The following MVB12B variants were observed in gnomAD, a reference collection of about 807,000 sequenced individuals.
MVB12B encodes ESCRT-I complex subunit MVB12B.
In MVB12B, 16 loss-of-function variants were observed where a neutral mutation model predicts 41.6. The observed-to-expected ratio is 0.38, with a 90% CI of 0.26 to 0.58. The LOEUF is 0.58. MVB12B is among the 20% of genes least tolerant of loss of function. The pLI, the probability that MVB12B is intolerant of heterozygous loss-of-function variation, is 0.62. For missense variants in MVB12B, 274 were observed against 380.2 expected, an observed-to-expected ratio of 0.72 and a Z score of 2.32; for synonymous variants, 133 against 139.7, an observed-to-expected ratio of 0.95 and a Z score of 0.34.
chr9:126,363,495 A>G (rs978863712), intron 2 of MVB12B, among the ~76,000 whole-genome samples: 1 of 152,158 alleles, frequency 6.6e-6, no homozygotes, highest in Non-Finnish European at 1.5e-5. Context: ...ATTGTCTTCT[A>G]ATGCATTTCC....
At chr9:126,345,350 A>G (rs1332205989) in intron 2 of MVB12B, among the ~76,000 whole-genome samples, 1 of 152,228 alleles carries the variant, frequency 6.6e-6, no homozygotes, top group African/African-American at 2.4e-5. Flanking sequence ...TTCTGGAGAA[A>G]TCCCACCCAA....
intron 2 of MVB12B, among the ~76,000 whole-genome samples, chr9:126,349,224 T>C (rs1189153537): frequency 6.6e-6 from 1 of 152,156 alleles, no homozygotes; most frequent in Non-Finnish European, 1.5e-5. Context: ...GTCAGGTACC[T>C]GGCCCTGGGG....
chr9:126,452,164 C>T (rs982464458), intron 7 of MVB12B, among the ~76,000 whole-genome samples: 3 of 152,218 alleles, frequency 2.0e-5, no homozygotes, highest in Admixed American at 6.5e-5. Context: ...TCAGCTCATG[C>T]GTGTGCTCAC....
intron 1 of MVB12B, among the ~76,000 whole-genome samples, chr9:126,338,780 C>G (rs1183994550): frequency 1.3e-5 from 2 of 152,138 alleles, no homozygotes; most frequent in African/African-American, 4.8e-5. Flanking sequence ...GTGCTGAGCC[C>G]TTTTGATCAA....
intron 6 of MVB12B, among the ~76,000 whole-genome samples, chr9:126,401,127 TC>T (rs1473828655): frequency 6.6e-6 from 1 of 152,114 alleles, no homozygotes; most frequent in Admixed American, 6.5e-5. Context: ...CATGGGCACA[TC>T]CTGTGACCTT....
At chr9:126,458,856 T>G (rs1833036703) in intron 7 of MVB12B, among the ~76,000 whole-genome samples, 1 of 152,178 alleles carries the variant, frequency 6.6e-6, no homozygotes, top group African/African-American at 2.4e-5. Context: ...TTCCTTAGCT[T>G]CAAAATAGGA....
At chr9:126,372,761 C>T (rs576370680) in intron 2 of MVB12B, among the ~76,000 whole-genome samples, 69 of 152,272 alleles carry the variant, frequency 4.5e-4, no homozygotes, top group Admixed American at 9.8e-4. Context: ...GACTTGAACT[C>T]GAATCTACCC....
chr9:126,437,679 A>C (rs1832520440), intron 7 of MVB12B, among the ~76,000 whole-genome samples: 1 of 152,242 alleles, frequency 6.6e-6, no homozygotes, highest in African/African-American at 2.4e-5. Flanking sequence ...TTTGAAGTTA[A>C]AATAGCGTTG....
chr9:126,484,012 C>G lies in MVB12B; in HGVS notation c.853C>G (p.Leu285Val), dbSNP rs768929152. Reference protein sequence around the residue: ...FDLLGITIKSLAEIEKEYEYS... With the variant: ...FDLLGITIKSVAEIEKEYEYS... ...TCTCCTGGGAATCACCATCAAATCTCTAGCAGAAATCGAAAAAGAGGTAAG... is the reference window on the plus strand; with the variant it reads ...TCTCCTGGGAATCACCATCAAATCTGTAGCAGAAATCGAAAAAGAGGTAAG... Residue 285 changes from leucine to valine, a missense_variant, in exon 9 of 10, where the codon CTA becomes GTA. Leu to Val is a conservative substitution (Grantham distance 32). Transcript: ENST00000361171. 3.7e-6 allele frequency: 6 copies of G among 1,614,092 alleles called. No homozygotes were observed. The highest frequency in any genetic ancestry group is 5.1e-6 in the Non-Finnish European group (6 of 1,180,028).
chr9:126,416,432 TGTG>T (rs1182794908), intron 6 of MVB12B, among the ~76,000 whole-genome samples: 2 of 152,248 alleles, frequency 1.3e-5, no homozygotes, highest in South Asian at 4.1e-4. Context: ...CCTCCCTGGG[TGTG>T]CGATCGGGCC....
chr9:126,410,139 TTTTG>T (rs1831590160), intron 6 of MVB12B, among the ~76,000 whole-genome samples: 1 of 84,038 alleles, frequency 1.2e-5, no homozygotes, highest in Non-Finnish European at 2.6e-5. Flanking sequence ...AGTGATTTGG[TTTTG>T]TGTGTGTGTG....
intron 7 of MVB12B, among the ~76,000 whole-genome samples, chr9:126,464,176 G>T (rs1833146877): frequency 6.6e-6 from 1 of 152,166 alleles, no homozygotes; most frequent in African/African-American, 2.4e-5. Flanking sequence ...CCAGGCAGAT[G>T]ATCGGAGCAC....
intron 9 of MVB12B, among the ~76,000 whole-genome samples, chr9:126,490,863 C>T (rs1833716966): frequency 6.6e-6 from 1 of 152,090 alleles, no homozygotes; most frequent in South Asian, 2.1e-4. Context: ...AGTGTAGTCA[C>T]GTGGAATGTT....
At chr9:126,328,216 A>G (rs1389866170) in intron 1 of MVB12B, among the ~76,000 whole-genome samples, 4 of 152,174 alleles carry the variant, frequency 2.6e-5, no homozygotes, top group South Asian at 4.1e-4. Flanking sequence ...TACCATGCTC[A>G]GAATCTTTAA....
rs933464957 is a variant in MVB12B at position 126,506,519 on chromosome 9, A to AGT, written c.*3258_*3259dup. 2 of 152,280 alleles carry AGT rather than the reference A, an allele frequency of 1.3e-5. No homozygotes were observed. The highest frequency in any genetic ancestry group is 4.8e-5 in the African/African-American group (2 of 41,466). The allele number at this position is 152,280 out of a possible 1,614,324, so 9.4% of individuals were successfully genotyped here. On this transcript the variant is annotated 3_prime_UTR_variant, in exon 10 of 10. Transcript: ENST00000361171. ...GCAGTGGGCGCAGAGCATGGTCAGGAGTGGCCTGCCCGTACTCCTCCACCC... is the reference window on the plus strand; with the variant it reads ...GCAGTGGGCGCAGAGCATGGTCAGGAGTGTGGCCTGCCCGTACTCCTCCACCC...
At chr9:126,354,418 A>G (rs902109803) in intron 2 of MVB12B, among the ~76,000 whole-genome samples, 2 of 152,184 alleles carry the variant, frequency 1.3e-5, no homozygotes, top group South Asian at 4.1e-4. Flanking sequence ...TCTTTAAAAG[A>G]CCTGTCTAGA....
intron 1 of MVB12B, among the ~76,000 whole-genome samples, chr9:126,335,921 TG>T (rs1358510017): frequency 6.6e-6 from 1 of 152,324 alleles, no homozygotes; most frequent in Non-Finnish European, 1.5e-5. Context: ...GTTAATACTT[TG>T]AAATTACTCT....
chr9:126,385,633 G>A (rs541058998), intron 3 of MVB12B, among the ~76,000 whole-genome samples: 9 of 152,310 alleles, frequency 5.9e-5, no homozygotes, highest in African/African-American at 2.2e-4. Context: ...AGGCACTTCT[G>A]CAAAATGGGC....
chr9:126,455,569 C>T (rs527743904), intron 7 of MVB12B, among the ~76,000 whole-genome samples: 1 of 152,164 alleles, frequency 6.6e-6, no homozygotes, highest in African/African-American at 2.4e-5. Flanking sequence ...ACTGCAGCCT[C>T]GACTTCCCAG....
Sources: gnomAD v4.1 joint callset for allele counts (sites outside exome capture counted in the v4.1 genomes callset) on GRCh38, gnomAD v4.1.1 for gene constraint, MANE v1.5 for transcripts, NCBI Gene and HGNC (gene_info 2026-07-23, HGNC 2026-07-21) for gene names.